Variants in ELFN1 observed in about 807,000 individuals in gnomAD.
ELFN1 encodes the protein protein ELFN1.
A neutral mutation model predicts 7.6 loss-of-function variants in ELFN1; 6 were observed. That is an observed-to-expected ratio of 0.79 (90% CI 0.43 to 1.56). ELFN1 has a LOEUF of 1.56. ELFN1 is among the 40% of genes most tolerant of loss of function. The pLI is 0.01. For missense variants in ELFN1, 1,169 were observed against 1,232.2 expected, an observed-to-expected ratio of 0.95 and a Z score of 0.77; for synonymous variants, 657 against 588.1, an observed-to-expected ratio of 1.12 and a Z score of -1.70.
chr7:1,717,869 A>G (rs186976148), intron 3 of ELFN1, among the ~76,000 whole-genome samples: 36 of 152,298 alleles, frequency 2.4e-4, no homozygotes, highest in Non-Finnish European at 4.1e-4. Flanking sequence ...CCTTCCCCCT[A>G]TGCGCAGAGT....
intron 1 of ELFN1, 39 bp from the exon 2 acceptor site, chr7:1,688,019 C>T (rs928061786): frequency 2.0e-5 from 3 of 149,866 alleles, no homozygotes; most frequent in African/African-American, 7.5e-5. Context: ...CACATGCCAC[C>T]ATGCCTGGCT....
At chr7:1,742,952 G>A (rs188206062) in intron 3 of ELFN1, among the ~76,000 whole-genome samples, 5 of 152,322 alleles carry the variant, frequency 3.3e-5, no homozygotes, top group Non-Finnish European at 5.9e-5. Context: ...GCCAGGCCAC[G>A]GCTCGGTGAC....
chr7:1,704,146 G>A lies in ELFN1; in HGVS notation c.-455-4945G>A, dbSNP rs184416614. 1.6e-3 allele frequency among the ~76,000 whole-genome samples: 247 copies of A among 152,310 alleles called. 1 individual carries two copies. The highest frequency in any genetic ancestry group is 5.7e-3 in the African/African-American group (239 of 41,568). ...TTGCCACAGGTGCACAACCGCTGTT[G>A]TTCTTGTTACGGCTGCCACTCAGGA... On this transcript the variant is annotated intron_variant, in intron 2 of 3. Transcript: ENST00000424383.
intron 1 of ELFN1, among the ~76,000 whole-genome samples, chr7:1,683,983 T>C (rs1161451300): frequency 6.6e-6 from 1 of 152,124 alleles, no homozygotes; most frequent in Non-Finnish European, 1.5e-5. Flanking sequence ...ACCCTGTCTC[T>C]ACAAAAAAAT....
At position 1,724,714 on chromosome 7, in the gene ELFN1, C is replaced by G. The variant is rs74464967; in HGVS notation, c.-294+15462C>G. Among the ~76,000 whole-genome samples, 286 of 152,304 alleles carry G rather than the reference C, an allele frequency of 1.9e-3. 5 individuals carry two copies. In the East Asian group the frequency reaches 0.048, roughly 26 times the overall value. ...CGGGGCCCCATGAACGCGACTCCCC[C>G]CAGGGCCTGTCACAGAGGCCGGGTG... is the stretch of plus-strand genomic sequence containing the variant. On this transcript the variant is annotated intron_variant, in intron 3 of 3. Transcript: ENST00000424383.
rs113830204 is a variant in ELFN1, at chr7:1,702,950, T to A, written c.-455-6141T>A. 4.3e-4 allele frequency among the ~76,000 whole-genome samples: 63 copies of A among 145,104 alleles called. 1 individual carries two copies. Among genetic ancestry groups the A allele is most frequent in the African/African-American group, 1.7e-3 (58 of 34,766 alleles). Reference sequence around the variant, plus strand: ...TGTGATATGCTGTAAGTTATGCACATGTTAAGAGTTTAGATCTGTATTGCC... The same window carrying A: ...TGTGATATGCTGTAAGTTATGCACAAGTTAAGAGTTTAGATCTGTATTGCC... On this transcript the variant is annotated intron_variant, in intron 2 of 3. Coordinates refer to ENST00000424383, the MANE Select transcript of ELFN1 (RefSeq NM_001128636.4).
chr7:1,701,740 C>G (rs893723055), intron 2 of ELFN1, among the ~76,000 whole-genome samples: 1 of 152,110 alleles, frequency 6.6e-6, no homozygotes, highest in African/African-American at 2.4e-5. Flanking sequence ...AAGTTTGAGG[C>G]TGCAGTGAGC....
At chr7:1,713,894 C>A (rs779230934) in intron 3 of ELFN1, among the ~76,000 whole-genome samples, 1 of 152,200 alleles carries the variant, frequency 6.6e-6, no homozygotes, top group Admixed American at 6.5e-5. Context: ...TCCCCTCCCC[C>A]ACCTCTCCAG....
At chr7:1,690,293 G>A (rs1779133320) in intron 2 of ELFN1, among the ~76,000 whole-genome samples, 2 of 151,844 alleles carry the variant, frequency 1.3e-5, no homozygotes, top group Non-Finnish European at 2.9e-5. Flanking sequence ...ATAGGTGGAT[G>A]GGTGGATGGG....
intron 3 of ELFN1, among the ~76,000 whole-genome samples, chr7:1,712,984 TG>T (rs1365446561): frequency 6.6e-6 from 1 of 152,224 alleles, no homozygotes; most frequent in African/African-American, 2.4e-5. Context: ...GGTACTGCCC[TG>T]AGCATGGAGT....
At chr7:1,677,862 T>A (rs1280070124) in intron 1 of ELFN1, among the ~76,000 whole-genome samples, 6 of 151,754 alleles carry the variant, frequency 4.0e-5, no homozygotes, top group Non-Finnish European at 8.8e-5. Context: ...TCCTGGTGGG[T>A]CTGGGAGCGG....
intron 3 of ELFN1, among the ~76,000 whole-genome samples, chr7:1,711,444 T>G (rs963070102): frequency 1.0e-4 from 15 of 149,184 alleles, no homozygotes; most frequent in African/African-American, 3.0e-4. Context: ...GGGCAGGGAG[T>G]GTGGGAAGAG....
At chr7:1,704,954 G>T (rs1000777463) in intron 2 of ELFN1, among the ~76,000 whole-genome samples, 2 of 152,156 alleles carry the variant, frequency 1.3e-5, no homozygotes, top group African/African-American at 4.8e-5. Context: ...TGTGGAGACG[G>T]GGACAGTGAG....
chr7:1,677,273 T>C (rs1778889172), intron 1 of ELFN1, among the ~76,000 whole-genome samples: 2 of 152,126 alleles, frequency 1.3e-5, no homozygotes, highest in African/African-American at 4.8e-5. Context: ...CCAGAATGGA[T>C]TGGTATGAAA....
chr7:1,692,646 C>T (rs940039689), intron 2 of ELFN1, among the ~76,000 whole-genome samples: 5 of 152,278 alleles, frequency 3.3e-5, no homozygotes, highest in Non-Finnish European at 7.3e-5. Flanking sequence ...GGCCAGCGGC[C>T]CACCTGCCGG....
chr7:1,739,869 G>A lies in ELFN1; in HGVS notation c.-293-4435G>A, dbSNP rs1008006770. 3.3e-5 allele frequency among the ~76,000 whole-genome samples: 5 copies of A among 152,262 alleles called. No homozygotes were observed. In the East Asian group the frequency reaches 9.7e-4, roughly 29 times the overall value. ...GGATGGAAGAGGAGGTGAGGGAGGG[G>A]GATGGAAACTGCTGGCGATCCTTCC... On this transcript the variant is annotated intron_variant, in intron 3 of 3. Transcript: ENST00000424383. The surrounding 1 kb of genome is among the most constrained non-coding windows in gnomAD (Gnocchi z 4.6).
Position 1,745,173 on chromosome 7 carries a change from T to C in ELFN1, c.577T>C (p.Tyr193His). The change falls in exon 4 of 4, where the codon TAC becomes CAC. Residue 193 changes from tyrosine (Y) to histidine (H), a missense_variant. Transcript: ENST00000424383. Reference protein sequence around the residue: ...SVCELYSNPFYCSCELLGFLR... With the variant: ...SVCELYSNPFHCSCELLGFLR... ...GTGCGAGCTCTACAGCAACCCCTTC[T>C]ACTGCTCCTGCGAGCTGCTGGGCTT... 6.5e-7 allele frequency: 1 copy of C among 1,548,704 alleles called. No homozygotes were observed.
intron 3 of ELFN1, among the ~76,000 whole-genome samples, chr7:1,721,517 G>C (rs919005952): frequency 1.3e-5 from 2 of 152,216 alleles, no homozygotes; most frequent in African/African-American, 4.8e-5. Flanking sequence ...TGCTTTAAAC[G>C]CCTTGTCGGC....
Position 1,705,538 on chromosome 7 carries a change from G to A in ELFN1, c.-455-3553G>A, listed in dbSNP as rs993175612. On this transcript the variant is annotated intron_variant, in intron 2 of 3. Transcript: ENST00000424383. The surrounding 1 kb of genome is among the most constrained non-coding windows in gnomAD (Gnocchi z 4.3). ...GAGGGCACTGCTGGGCCCCCCTTCC[G>A]ACGGCACACAGTGGGCACCTCAGAT... Among the ~76,000 whole-genome samples, 3 of 152,206 alleles carry A rather than the reference G, an allele frequency of 2.0e-5. No homozygotes were observed. Among genetic ancestry groups the A allele is most frequent in the Admixed American group, 6.5e-5 (1 of 15,290 alleles).
Sources: allele counts gnomAD v4.1 joint callset (sites outside exome capture counted in the v4.1 genomes callset), GRCh38; gene constraint gnomAD v4.1.1; non-coding constraint Gnocchi (gnomAD v3.1); transcripts MANE v1.5; gene names NCBI Gene and HGNC (gene_info 2026-07-23, HGNC 2026-07-21).